CCDC40: variants seen among roughly 807,000 people sequenced by gnomAD.
CCDC40 encodes coiled-coil domain-containing protein 40.
In CCDC40, 104 loss-of-function variants were observed where a neutral mutation model predicts 124.5. The ratio of observed to expected loss-of-function variants is 0.84; its 90% confidence interval spans 0.71 to 0.98. CCDC40 has a LOEUF of 0.98. Ranked by LOEUF, CCDC40 falls within the 50% of genes least tolerant of loss-of-function variation. The probability of loss-of-function intolerance (pLI) is 0.00; values close to 1 mark genes in which losing one functional copy is unlikely to be tolerated. For synonymous variants in CCDC40, 580 were observed against 602.9 expected, an observed-to-expected ratio of 0.96 and a Z score of 0.56; for missense variants, 1,463 against 1,503.9, an observed-to-expected ratio of 0.97 and a Z score of 0.45.
rs1004291736 is a variant in CCDC40, at chr17:80,087,257, A to T, written c.2450-350A>T. 49 of 384,682 alleles carry T rather than the reference A, an allele frequency of 1.3e-4. 1 individual carries two copies. In the Admixed American group the frequency reaches 1.7e-3, roughly 14 times the overall value. The allele number at this position is 384,682 out of a possible 1,614,324, so 23.8% of individuals were successfully genotyped here. ...TGGAGACTCACAGTGTCTGAGCATC[A>T]ACCAGGTCCCGGTGCTCCACAGATT... On this transcript the variant is annotated intron_variant, in intron 14 of 19. Transcript: ENST00000397545. This position sits in a 1 kb window ranked among gnomAD's most constrained non-coding sequence, Gnocchi z 4.5.
intron 17 of CCDC40, among the ~76,000 whole-genome samples, chr17:80,093,706 A>T (rs547237620): frequency 7.2e-6 from 1 of 138,990 alleles, no homozygotes; most frequent in South Asian, 2.3e-4. Flanking sequence ...TAGAGACGGG[A>T]TTTCACCATG....
At chr17:80,096,138 G>T (rs1319963833) in intron 18 of CCDC40, among the ~76,000 whole-genome samples, 1 of 152,226 alleles carries the variant, frequency 6.6e-6, no homozygotes, top group South Asian at 2.1e-4. Context: ...CTGCTGGGGG[G>T]TGGAGGGGCA....
intron 17 of CCDC40, among the ~76,000 whole-genome samples, chr17:80,092,639 T>C (rs928398679): frequency 6.6e-6 from 1 of 152,146 alleles, no homozygotes; most frequent in Non-Finnish European, 1.5e-5. Flanking sequence ...GAGACAGGGT[T>C]TCGCTCTGTC....
In CCDC40 at chr17:80,048,670, A is replaced by T. The variant is rs1161523933; in HGVS notation, c.764A>T (p.Glu255Val). 1.2e-6 allele frequency: 2 copies of T among 1,613,916 alleles called. No homozygotes were observed. The highest frequency in any genetic ancestry group is 2.7e-5 in the African/African-American group (2 of 74,888). ...QDQIQQPSTE[E>V]GAMAERVESE... Reference sequence around the variant, plus strand: ...CAGATCCAGCAGCCCAGCACCGAGGAGGGGGCCATGGCAGAGAGAGTGGAG... The same window carrying T: ...CAGATCCAGCAGCCCAGCACCGAGGTGGGGGCCATGGCAGAGAGAGTGGAG... The change falls in exon 5 of 20, where the codon GAG becomes GTG. Residue 255 changes from glutamate (E) to valine (V), a missense_variant. Transcript: ENST00000397545.
Position 80,066,254 on chromosome 17 carries a change from G to A in CCDC40, c.1562+648G>A. 1.4e-6 allele frequency: 1 copy of A among 693,976 alleles called. No individual in the cohort carries two copies. Among genetic ancestry groups the A allele is most frequent in the Non-Finnish European group, 2.6e-6 (1 of 379,956 alleles). 43.0% of individuals were successfully genotyped at this position (693,976 alleles called of 1,614,324 possible). ...ACCCCTTGTGCCCAGCACAGAGCCTGGCATACAGCAAGCGCTCAAGAAAGG... is the reference window on the plus strand; with the variant it reads ...ACCCCTTGTGCCCAGCACAGAGCCTAGCATACAGCAAGCGCTCAAGAAAGG... On this transcript the variant is annotated intron_variant, in intron 10 of 19. Transcript: ENST00000397545. This position sits in a 1 kb window ranked among gnomAD's most constrained non-coding sequence, Gnocchi z 4.4.
chr17:80,093,974 G>A (rs2038762241), intron 17 of CCDC40, among the ~76,000 whole-genome samples: 1 of 152,084 alleles, frequency 6.6e-6, no homozygotes, highest in South Asian at 2.1e-4. Context: ...TTCTTAGTGT[G>A]GCTCCAAGTC....
chr17:80,039,809 C>T lies in CCDC40; in HGVS notation c.94-3C>T. The T allele has an allele frequency of 6.2e-7, 1 of 1,610,642 alleles. No individual in the cohort carries two copies. Among genetic ancestry groups the T allele is most frequent in the Non-Finnish European group, 8.5e-7 (1 of 1,177,006 alleles). On this transcript the variant is annotated splice_polypyrimidine_tract_variant and splice_region_variant and intron_variant, in intron 2 of 19. Coordinates refer to ENST00000397545, the MANE Select transcript of CCDC40 (RefSeq NM_017950.4). ...TGATTTTTTTCCTGCCACACCTTTA[C>T]AGGTGTCACCACCAGAGAAGGATGA...
chr17:80,048,377 C>A, intron 4 of CCDC40: 1 of 618,320 alleles, frequency 1.6e-6, no homozygotes, highest in Non-Finnish European at 2.9e-6. Flanking sequence ...TAAAACGGGA[C>A]GCTTTCTCTG....
chr17:80,087,445 G>A lies in CCDC40; in HGVS notation c.2450-162G>A. Reference sequence around the variant, plus strand: ...TCCTCTCCTCTCCTCTGTCCTGGCAGGGACGAGATTCAGGCAGGAGCGCCA... The same window carrying A: ...TCCTCTCCTCTCCTCTGTCCTGGCAAGGACGAGATTCAGGCAGGAGCGCCA... On this transcript the variant is annotated intron_variant, in intron 14 of 19. Coordinates refer to ENST00000397545, the MANE Select transcript of CCDC40 (RefSeq NM_017950.4). The surrounding 1 kb of genome is among the most constrained non-coding windows in gnomAD (Gnocchi z 4.5). 1.4e-6 allele frequency: 1 copy of A among 693,770 alleles called. No individual in the cohort carries two copies. Among genetic ancestry groups the A allele is most frequent in the East Asian group, 2.7e-5 (1 of 36,848 alleles). 43.0% of individuals were successfully genotyped at this position (693,770 alleles called of 1,614,324 possible). A position where few individuals can be genotyped will look rare whatever the true frequency, so the allele number is the denominator to read the frequency against.
At chr17:80,089,995 C>G in intron 17 of CCDC40, 111 bp downstream of exon 17, 2 of 1,544,274 alleles carry the variant, frequency 1.3e-6, no homozygotes, top group Non-Finnish European at 1.8e-6. Flanking sequence ...GGGAACCACA[C>G]TGGCCACATT....
chr17:80,042,028 T>C (rs527697139), intron 3 of CCDC40, among the ~76,000 whole-genome samples: 50 of 152,306 alleles, frequency 3.3e-4, no homozygotes, highest in African/African-American at 1.2e-3. Context: ...GGAAAAAAAT[T>C]GCAACAGATT....
rs1259039818 is a variant in CCDC40 at position 80,087,443 on chromosome 17, C to T, written c.2450-164C>T. The stretch of plus-strand genomic sequence containing the variant: ...TGTCCTCTCCTCTCCTCTGTCCTGG[C>T]AGGGACGAGATTCAGGCAGGAGCGC... On this transcript the variant is annotated intron_variant, in intron 14 of 19. Coordinates refer to ENST00000397545, the MANE Select transcript of CCDC40 (RefSeq NM_017950.4). This position sits in a 1 kb window ranked among gnomAD's most constrained non-coding sequence, Gnocchi z 4.5. 3 of 691,096 alleles carry T rather than the reference C, an allele frequency of 4.3e-6. No homozygotes were observed. The allele number at this position is 691,096 out of a possible 1,614,324, so 42.8% of individuals were successfully genotyped here. A position where few individuals can be genotyped will look rare whatever the true frequency, so the allele number is the denominator to read the frequency against.
chr17:80,095,156 C>T, intron 17 of CCDC40, 107 bp from the exon 18 acceptor site: 1 of 1,031,780 alleles, frequency 9.7e-7, no homozygotes, highest in Non-Finnish European at 1.5e-6. Context: ...CCCCGCCGAT[C>T]CCCATGCGTG....
intron 10 of CCDC40, among the ~76,000 whole-genome samples, chr17:80,068,456 G>C (rs1464064970): frequency 1.3e-5 from 2 of 152,140 alleles, no homozygotes; most frequent in East Asian, 3.9e-4. Flanking sequence ...AATAGATCAG[G>C]GCCATTATTA....
rs544678914 is a variant in CCDC40 at position 80,083,318 on chromosome 17, G to A, written c.1989+1260G>A. 6.4e-4 allele frequency among the ~76,000 whole-genome samples: 98 copies of A among 152,292 alleles called. 1 individual carries two copies. Among genetic ancestry groups the A allele is most frequent in the African/African-American group, 2.3e-3 (96 of 41,552 alleles). The stretch of plus-strand genomic sequence containing the variant: ...CATTGCCACACAACTCCAGATGCCG[G>A]AAGCTTCCACTCCAGGTGGGCAGGG... On this transcript the variant is annotated intron_variant, in intron 12 of 19. Coordinates refer to ENST00000397545, the MANE Select transcript of CCDC40 (RefSeq NM_017950.4).
At chr17:80,095,526 T>A in intron 18 of CCDC40, 75 bp downstream of exon 18, 1 of 1,436,686 alleles carries the variant, frequency 7.0e-7, no homozygotes, top group Non-Finnish European at 9.7e-7. Flanking sequence ...GGAAGGCGTC[T>A]TGCTGGGTCC....
chr17:80,073,717 T>G (rs2091473591), intron 10 of CCDC40, among the ~76,000 whole-genome samples: 1 of 152,000 alleles, frequency 6.6e-6, no homozygotes, highest in African/African-American at 2.4e-5. Context: ...TATTTATTTA[T>G]TTTTGAGACA....
At chr17:80,073,905 C>T (rs994507022) in intron 10 of CCDC40, among the ~76,000 whole-genome samples, 4 of 151,964 alleles carry the variant, frequency 2.6e-5, no homozygotes, top group Non-Finnish European at 4.4e-5. Flanking sequence ...ATGTTGGTCT[C>T]GAACTCCTGA....
chr17:80,057,126 G>T (rs1363311687), intron 7 of CCDC40, among the ~76,000 whole-genome samples: 1 of 151,750 alleles, frequency 6.6e-6, no homozygotes, highest in African/African-American at 2.4e-5. Context: ...CTATATTAAT[G>T]CACAGGTTGC....
Sources: allele counts gnomAD v4.1 joint callset (sites outside exome capture counted in the v4.1 genomes callset), GRCh38; gene constraint gnomAD v4.1.1; non-coding constraint Gnocchi (gnomAD v3.1); transcripts MANE v1.5; gene names NCBI Gene and HGNC (gene_info 2026-07-23, HGNC 2026-07-21).